The following PIWIL2 variants were observed in gnomAD, a reference collection of about 807,000 sequenced individuals.
PIWIL2 encodes the protein piwi like RNA-mediated gene silencing 2.
PIWIL2 carries 81 observed loss-of-function variants against 116.5 expected under a neutral mutation model. That is an observed-to-expected ratio of 0.70 (90% CI 0.58 to 0.84). The LOEUF is 0.84. Ranked by LOEUF, PIWIL2 falls within the 40% of genes least tolerant of loss-of-function variation. The pLI is 0.00. For synonymous variants in PIWIL2, 489 were observed against 429.5 expected (o/e 1.14, Z -1.71); for missense variants, 1,272 against 1,212.3 (o/e 1.05, Z -0.73).
At chr8:22,336,271 A>G (rs1176007797) in intron 20 of PIWIL2, among the ~76,000 whole-genome samples, 16 of 152,210 alleles carry the variant, frequency 1.1e-4, no homozygotes, top group Non-Finnish European at 2.1e-4. Context: ...AATGACTTTA[A>G]TCTTTCAAAA....
At chr8:22,312,128 G>A (rs1465754489) in intron 16 of PIWIL2, among the ~76,000 whole-genome samples, 1 of 152,000 alleles carries the variant, frequency 6.6e-6, no homozygotes, top group Non-Finnish European at 1.5e-5. Flanking sequence ...GCTGGGTGTG[G>A]TGGCATGCAC....
At chr8:22,312,188 T>C (rs1057293399) in intron 16 of PIWIL2, among the ~76,000 whole-genome samples, 57 of 150,128 alleles carry the variant, frequency 3.8e-4, no homozygotes, top group Admixed American at 2.0e-4. Flanking sequence ...CACCTGAGCC[T>C]GGGGAGGTTG....
chr8:22,331,082 A>T (rs1412988096), intron 20 of PIWIL2, among the ~76,000 whole-genome samples: 1 of 152,132 alleles, frequency 6.6e-6, no homozygotes, highest in Non-Finnish European at 1.5e-5. Flanking sequence ...AGGCTGAGGG[A>T]GGAGAATTGC....
At chr8:22,299,752 A>G (rs1408374099) in intron 10 of PIWIL2, among the ~76,000 whole-genome samples, 1 of 152,182 alleles carries the variant, frequency 6.6e-6, no homozygotes, top group East Asian at 1.9e-4. Flanking sequence ...GAAAATAGAC[A>G]TGGCCATTGC....
At position 22,289,866 on chromosome 8, in the gene PIWIL2, A is replaced by G. The variant is rs767424254; in HGVS notation, c.1006A>G (p.Met336Val). ...VFRRVMKLLDMKLVGRNFYDP... is the reference protein window; with the variant it reads ...VFRRVMKLLDVKLVGRNFYDP... Reference sequence around the variant, plus strand: ...TTTCAGGGTAATGAAACTTTTAGATATGAAGCTTGTGGGGAGAAACTTTTA... The same window carrying G: ...TTTCAGGGTAATGAAACTTTTAGATGTGAAGCTTGTGGGGAGAAACTTTTA... The change falls in exon 9 of 23, where the codon ATG becomes GTG. Residue 336 changes from methionine to valine, a missense_variant. Physicochemically the swap from Met to Val is conservative, Grantham distance 21. Transcript: ENST00000356766. 4 of 1,607,938 alleles carry G rather than the reference A, an allele frequency of 2.5e-6. No individual in the cohort carries two copies. The highest frequency in any genetic ancestry group is 2.6e-6 in the Non-Finnish European group (3 of 1,174,390).
intron 18 of PIWIL2, among the ~76,000 whole-genome samples, chr8:22,316,000 A>G (rs1160882705): frequency 6.6e-6 from 1 of 152,244 alleles, no homozygotes; most frequent in Non-Finnish European, 1.5e-5. Context: ...TACAGAAATC[A>G]TAAGACTCAC....
Position 22,347,316 on chromosome 8 carries a change from G to A in PIWIL2, c.2404-5643G>A, listed in dbSNP as rs184820412. On this transcript the variant is annotated intron_variant, in intron 20 of 22. Coordinates refer to ENST00000356766, the MANE Select transcript of PIWIL2 (RefSeq NM_018068.5). ...TGCAAGCTCCCCTTCCCGGGCTCAC[G>A]CCATTCTCCTGCCTCAGCCTCCCGA... 3.6e-3 allele frequency among the ~76,000 whole-genome samples: 544 copies of A among 150,224 alleles called. 2 individuals are homozygous for A. Among genetic ancestry groups the A allele is most frequent in the African/African-American group, 0.012 (477 of 40,752 alleles).
Position 22,357,322 on chromosome 8 carries a change from CTG to C in PIWIL2, c.*1820_*1821del, listed in dbSNP as rs1163023055. ...AATTTAAAAACCACAGAATCAAACACTGTGAACCACTGGTCTCTGGCTAAGCA... is the reference window on the plus strand; with the variant it reads ...AATTTAAAAACCACAGAATCAAACACTGAACCACTGGTCTCTGGCTAAGCA... On this transcript the variant is annotated 3_prime_UTR_variant, in exon 23 of 23. Coordinates refer to ENST00000356766, the MANE Select transcript of PIWIL2 (RefSeq NM_018068.5). The C allele has an allele frequency of 6.6e-6, 1 of 152,168 alleles. No homozygotes were observed. Among genetic ancestry groups the C allele is most frequent in the African/African-American group, 2.4e-5 (1 of 41,442 alleles). 9.4% of individuals were successfully genotyped at this position (152,168 alleles called of 1,614,324 possible). A position where few individuals can be genotyped will look rare whatever the true frequency, so the allele number is the denominator to read the frequency against.
Position 22,308,055 on chromosome 8 carries a change from G to A in PIWIL2, c.1668G>A (p.Leu556=), listed in dbSNP as rs1287766183. ...TNELMRWGLR[L]QKDVHKIEGR... The stretch of plus-strand genomic sequence containing the variant: ...AACTGATGCGTTGGGGGCTCCGTCT[G>A]CAAAAGGATGTACATAAGGTAAACC... Residue 556 remains leucine (L), a synonymous_variant, in exon 14 of 23, where the codon CTG becomes CTA. Coordinates refer to ENST00000356766, the MANE Select transcript of PIWIL2 (RefSeq NM_018068.5). 1.2e-6 allele frequency: 2 copies of A among 1,613,844 alleles called. No homozygotes were observed. The highest frequency in any genetic ancestry group is 2.2e-5 in the East Asian group (1 of 44,878).
chr8:22,317,598 T>C (rs1831491463), intron 19 of PIWIL2, among the ~76,000 whole-genome samples: 7 of 152,204 alleles, frequency 4.6e-5, no homozygotes. Context: ...AAATTTTTTC[T>C]ATTGGAGCAG....
Position 22,311,282 on chromosome 8 carries a change from A to G in PIWIL2, c.1971A>G (p.Gln657=), listed in dbSNP as rs767037866. 4.3e-6 allele frequency: 7 copies of G among 1,610,694 alleles called. No individual in the cohort carries two copies. The highest frequency in any genetic ancestry group is 4.0e-5 in the African/African-American group (3 of 74,920). The change falls in exon 16 of 23, where the codon CAA becomes CAG. Residue 657 remains glutamine, a synonymous_variant. Coordinates refer to ENST00000356766, the MANE Select transcript of PIWIL2 (RefSeq NM_018068.5). ...DRIETYVRTI[Q]STLGAEGKIQ... is the part of the protein sequence containing the mutation. ...TAGAGACTTATGTCAGAACCATTCA[A>G]TCCACGTTAGGAGCTGAGGTAAAAA...
In PIWIL2 at chr8:22,304,177, T is replaced by G; in HGVS notation, c.1338T>G (p.Asp446Glu). 5 of 1,613,678 alleles carry G rather than the reference T, an allele frequency of 3.1e-6. No homozygotes were observed. Among genetic ancestry groups the G allele is most frequent in the Non-Finnish European group, 4.2e-6 (5 of 1,179,744 alleles). Residue 446 changes from aspartate (D) to glutamate (E), a missense_variant, in exon 11 of 23, where the codon GAT becomes GAG. Transcript: ENST00000356766. ...CAAAGGATAGCTTCACGATGTCTGA[T>G]GGGAAAGAGATCACATTCTTGGAAT... The part of the protein sequence containing the change: ...KTPKDSFTMS[D>E]GKEITFLEYY...
chr8:22,316,285 C>T lies in PIWIL2; in HGVS notation c.2249C>T (p.Pro750Leu), dbSNP rs766717835. Residue 750 changes from proline to leucine, a missense_variant, in exon 19 of 23, where the codon CCC becomes CTC. Coordinates refer to ENST00000356766, the MANE Select transcript of PIWIL2 (RefSeq NM_018068.5). ...ATCGGGATGGATGTTTACCATGACC[C>T]CAGTAGAGGCATGCGCTCCGTGGTT... Reference protein sequence around the residue: ...MVIGMDVYHDPSRGMRSVVGF... With the variant: ...MVIGMDVYHDLSRGMRSVVGF... The T allele has an allele frequency of 6.2e-7, 1 of 1,613,444 alleles. No homozygotes were observed. Among genetic ancestry groups the T allele is most frequent in the South Asian group, 1.1e-5 (1 of 91,060 alleles).
intron 20 of PIWIL2, among the ~76,000 whole-genome samples, chr8:22,338,883 G>T (rs1046870383): frequency 6.6e-6 from 1 of 151,980 alleles, no homozygotes; most frequent in Non-Finnish European, 1.5e-5. Flanking sequence ...CAAAAACATA[G>T]AATAGTCAAG....
chr8:22,282,529 A>T (rs1830534203), intron 4 of PIWIL2, among the ~76,000 whole-genome samples: 1 of 151,426 alleles, frequency 6.6e-6, no homozygotes, highest in Non-Finnish European at 1.5e-5. Flanking sequence ...TTTCTCCTCT[A>T]TTCTGCTATG....
Position 22,318,256 on chromosome 8 carries a change from C to T in PIWIL2, c.2384C>T (p.Ser795Phe). 2 of 1,606,498 alleles carry T rather than the reference C, an allele frequency of 1.2e-6. No individual in the cohort carries two copies. The highest frequency in any genetic ancestry group is 1.7e-6 in the Non-Finnish European group (2 of 1,173,956). The change falls in exon 20 of 23, where the codon TCC becomes TTC. Residue 795 changes from serine (S) to phenylalanine (F), a missense_variant. By Grantham distance (155) the Ser-to-Phe change is radical. Transcript: ENST00000356766. ...VDSLKLCLVGSLKKFYEVNHC... is the reference protein window; with the variant it reads ...VDSLKLCLVGFLKKFYEVNHC... ...AGCCTGAAGCTATGCCTCGTGGGCT[C>T]CTTAAAAAAGTTTTATGAGGTGAGG...
In PIWIL2 at chr8:22,355,711, T is replaced by C. The variant is rs1307504160; in HGVS notation, c.*206T>C. On this transcript the variant is annotated 3_prime_UTR_variant, in exon 23 of 23. Coordinates refer to ENST00000356766, the MANE Select transcript of PIWIL2 (RefSeq NM_018068.5). Reference sequence around the variant, plus strand: ...TGAGTAACAGCTGAAAATGGCCTTGTTGCCTGTGTAGAGCAAGTTACGGTG... The same window carrying C: ...TGAGTAACAGCTGAAAATGGCCTTGCTGCCTGTGTAGAGCAAGTTACGGTG... 8 of 579,332 alleles carry C rather than the reference T, an allele frequency of 1.4e-5. No individual in the cohort carries two copies. Among genetic ancestry groups the C allele is most frequent in the Non-Finnish European group, 2.1e-5 (7 of 328,532 alleles). 35.9% of individuals were successfully genotyped at this position (579,332 alleles called of 1,614,324 possible).
chr8:22,292,842 T>C (rs1402338196), intron 10 of PIWIL2, among the ~76,000 whole-genome samples: 5 of 152,226 alleles, frequency 3.3e-5, no homozygotes, highest in East Asian at 1.9e-4. Context: ...TTGGCTATTA[T>C]GTGTCTCTCC....
intron 19 of PIWIL2, among the ~76,000 whole-genome samples, chr8:22,317,025 C>A (rs1392620057): frequency 1.3e-5 from 2 of 152,154 alleles, no homozygotes; most frequent in African/African-American, 4.8e-5. Context: ...AGTGATCCAC[C>A]TGCCTCAGTC....
Sources: allele counts gnomAD v4.1 joint callset (sites outside exome capture counted in the v4.1 genomes callset), GRCh38; gene constraint gnomAD v4.1.1; transcripts MANE v1.5; gene names NCBI Gene and HGNC (gene_info 2026-07-23, HGNC 2026-07-21).